The following ARHGAP10 variants were observed in gnomAD, a reference collection of about 807,000 sequenced individuals.
ARHGAP10 encodes rho GTPase-activating protein 10.
A neutral mutation model predicts 108.6 loss-of-function variants in ARHGAP10; 87 were observed. That is an observed-to-expected ratio of 0.80 (90% CI 0.67 to 0.96). The LOEUF (loss-of-function observed/expected upper bound fraction) is 0.96, where lower values mean the gene tolerates loss of function less well. ARHGAP10 is among the 40% of genes least tolerant of loss of function. The probability of loss-of-function intolerance (pLI) is 0.00; values close to 1 mark genes in which losing one functional copy is unlikely to be tolerated. For synonymous variants in ARHGAP10, 347 were observed against 341.1 expected, an observed-to-expected ratio of 1.02 and a Z score of -0.19; for missense variants, 939 against 954.5, an observed-to-expected ratio of 0.98 and a Z score of 0.21.
chr4:147,825,425 C>T (rs147605845), intron 3 of ARHGAP10, among the ~76,000 whole-genome samples: 1,613 of 150,684 alleles, frequency 0.011, 33 homozygotes, highest in African/African-American at 0.037. Flanking sequence ...CCAGCCTGGG[C>T]GACAGAGCGA....
chr4:147,802,617 A>C (rs949826873), intron 1 of ARHGAP10, among the ~76,000 whole-genome samples: 2 of 152,208 alleles, frequency 1.3e-5, no homozygotes, highest in African/African-American at 4.8e-5. Context: ...AGCCTGTTGT[A>C]TTGCAGGTGG....
At chr4:147,816,917 G>T (rs185097258) in intron 1 of ARHGAP10, among the ~76,000 whole-genome samples, 255 of 152,226 alleles carry the variant, frequency 1.7e-3, no homozygotes, top group Admixed American at 4.5e-3. Context: ...TTCCTCTTTA[G>T]ATAAAACATG....
intron 18 of ARHGAP10, among the ~76,000 whole-genome samples, chr4:148,021,551 T>A: frequency 6.6e-6 from 1 of 152,234 alleles, no homozygotes; most frequent in East Asian, 1.9e-4. Context: ...GGGAGCTGTT[T>A]TAAATGTCAC....
intron 6 of ARHGAP10, chr4:147,865,232 C>T (rs759799598): frequency 1.8e-5 from 5 of 281,088 alleles, no homozygotes; most frequent in Non-Finnish European, 2.7e-5. Flanking sequence ...CCACCTTAGC[C>T]TATAGCTCTA....
At chr4:148,017,202 T>TTGGCCTCTCTGTGCAGCATTCC (rs1194985234) in intron 18 of ARHGAP10, among the ~76,000 whole-genome samples, 1 of 152,160 alleles carries the variant, frequency 6.6e-6, no homozygotes, top group Non-Finnish European at 1.5e-5. Flanking sequence ...CAGATTCTTC[T>TTGGCCTCTCTGTGCAGCATTCC]TGGCCTCTCT....
chr4:147,847,359 C>T (rs538867053), intron 4 of ARHGAP10, 137 bp downstream of exon 4: 3 of 802,638 alleles, frequency 3.7e-6, no homozygotes, highest in Non-Finnish European at 5.8e-6. Context: ...GTGCTTTTCC[C>T]CCTTTGGGGG....
At chr4:147,881,799 C>G in intron 9 of ARHGAP10, 39 bp from the exon 10 acceptor site, 1 of 1,593,624 alleles carries the variant, frequency 6.3e-7, no homozygotes, top group Non-Finnish European at 8.6e-7. Context: ...ATATACTTAT[C>G]CTGTAGGTTT....
intron 1 of ARHGAP10, among the ~76,000 whole-genome samples, chr4:147,789,242 G>C (rs996398320): frequency 9.9e-5 from 15 of 152,168 alleles, no homozygotes; most frequent in African/African-American, 2.9e-4. Flanking sequence ...TTTCATCAAG[G>C]TGCATTTCTA....
At chr4:147,834,656 A>C (rs1733090039) in intron 3 of ARHGAP10, among the ~76,000 whole-genome samples, 1 of 151,810 alleles carries the variant, frequency 6.6e-6, no homozygotes, top group Admixed American at 6.6e-5. Context: ...TCACCCACAC[A>C]CACAAACACA....
At chr4:147,825,530 G>A (rs1048833046) in intron 3 of ARHGAP10, among the ~76,000 whole-genome samples, 3 of 152,280 alleles carry the variant, frequency 2.0e-5, no homozygotes, top group South Asian at 2.1e-4. Flanking sequence ...GGTAATTTGT[G>A]TGTATATATT....
At chr4:147,757,320 G>A (rs13119636) in intron 1 of ARHGAP10, among the ~76,000 whole-genome samples, 5 of 149,284 alleles carry the variant, frequency 3.3e-5, no homozygotes, top group Admixed American at 1.4e-4. Flanking sequence ...TCAGCCTCCC[G>A]AAAGCTGGGA....
intron 1 of ARHGAP10, among the ~76,000 whole-genome samples, chr4:147,762,967 T>C (rs139214083): frequency 1.1e-3 from 160 of 152,232 alleles, no homozygotes; most frequent in African/African-American, 3.4e-3. Context: ...AAGACTTTTA[T>C]GGTTAAGGAG....
intron 18 of ARHGAP10, among the ~76,000 whole-genome samples, chr4:148,011,584 A>G (rs1239909376): frequency 2.0e-5 from 3 of 152,220 alleles, no homozygotes; most frequent in Admixed American, 2.0e-4. Flanking sequence ...GAAGTCATAT[A>G]TAGTTCACTT....
At chr4:147,782,178 G>A (rs1730563429) in intron 1 of ARHGAP10, among the ~76,000 whole-genome samples, 1 of 152,176 alleles carries the variant, frequency 6.6e-6, no homozygotes, top group South Asian at 2.1e-4. Flanking sequence ...GAATTTAATT[G>A]TGGTGGGTGT....
chr4:147,972,846 C>T (rs1055112234), intron 18 of ARHGAP10, among the ~76,000 whole-genome samples: 2 of 151,940 alleles, frequency 1.3e-5, no homozygotes, highest in Non-Finnish European at 2.9e-5. Flanking sequence ...TCTCTGCCTA[C>T]CGGGTCCAAG....
At chr4:147,925,706 C>A (rs962999824) in intron 13 of ARHGAP10, among the ~76,000 whole-genome samples, 2 of 152,146 alleles carry the variant, frequency 1.3e-5, no homozygotes, top group African/African-American at 4.8e-5. Context: ...TCATGTTAAC[C>A]AGTTATCCTG....
At chr4:147,777,288 T>C (rs1339972686) in intron 1 of ARHGAP10, among the ~76,000 whole-genome samples, 1 of 150,228 alleles carries the variant, frequency 6.7e-6, no homozygotes, top group Non-Finnish European at 1.5e-5. Context: ...AGACGGAGTC[T>C]CACTCTGTCA....
At chr4:148,002,725 T>C (rs1740774716) in intron 18 of ARHGAP10, among the ~76,000 whole-genome samples, 1 of 152,258 alleles carries the variant, frequency 6.6e-6, no homozygotes, top group African/African-American at 2.4e-5. Context: ...TATTCTGTGA[T>C]GGTAGTTTGT....
At chr4:148,001,314 T>C (rs1047587751) in intron 18 of ARHGAP10, among the ~76,000 whole-genome samples, 1 of 152,234 alleles carries the variant, frequency 6.6e-6, no homozygotes, top group African/African-American at 2.4e-5. Flanking sequence ...TTGGTTACTG[T>C]AGCCTTGTAG....
Sources: allele counts gnomAD v4.1 joint callset (sites outside exome capture counted in the v4.1 genomes callset), GRCh38; gene constraint gnomAD v4.1.1; transcripts MANE v1.5; gene names NCBI Gene and HGNC (gene_info 2026-07-23, HGNC 2026-07-21).